The following DTD1 variants were observed in gnomAD, a reference collection of about 807,000 sequenced individuals.
DTD1 encodes D-aminoacyl-tRNA deacylase 1.
In DTD1, 13 loss-of-function variants were observed where a neutral mutation model predicts 25.6. The ratio of observed to expected loss-of-function variants is 0.51; its 90% confidence interval spans 0.33 to 0.81. DTD1 has a LOEUF of 0.81. DTD1 is among the 30% of genes least tolerant of loss of function. The pLI is 0.02. For synonymous variants in DTD1, 110 were observed against 103.6 expected (o/e 1.06, Z -0.37); for missense variants, 193 against 266.4 (o/e 0.72, Z 1.92).
chr20:18,719,911 C>T (rs926911285), intron 4 of DTD1, among the ~76,000 whole-genome samples: 2 of 152,184 alleles, frequency 1.3e-5, no homozygotes, highest in Non-Finnish European at 2.9e-5. Flanking sequence ...ATATTGTTAT[C>T]ACCATTTATC....
chr20:18,603,411 G>A (rs1328891284), intron 3 of DTD1, among the ~76,000 whole-genome samples: 3 of 71,248 alleles, frequency 4.2e-5, no homozygotes, highest in African/African-American at 1.6e-4. Context: ...ACTCAGCTCT[G>A]CACCAAGCAG....
At chr20:18,729,737 A>G (rs1018706506) in intron 4 of DTD1, among the ~76,000 whole-genome samples, 3 of 152,248 alleles carry the variant, frequency 2.0e-5, no homozygotes, top group African/African-American at 4.8e-5. Flanking sequence ...CGACAACACA[A>G]ACAGCCTAGG....
intron 4 of DTD1, among the ~76,000 whole-genome samples, chr20:18,633,978 G>A (rs890003156): frequency 6.6e-6 from 1 of 152,234 alleles, no homozygotes; most frequent in Admixed American, 6.5e-5. Flanking sequence ...TGGAAGGAGA[G>A]CATTACATTC....
At chr20:18,588,708 C>G in intron 1 of DTD1, 1 of 985,360 alleles carries the variant, frequency 1.0e-6, no homozygotes, top group Non-Finnish European at 1.2e-6. Context: ...CGCCCTCGCC[C>G]GCTGAACTCT....
intron 4 of DTD1, among the ~76,000 whole-genome samples, chr20:18,695,064 G>A (rs149714451): frequency 6.6e-6 from 1 of 152,242 alleles, no homozygotes; most frequent in African/African-American, 2.4e-5. Flanking sequence ...CGCGTGTTCT[G>A]CGAATGTGTC....
intron 3 of DTD1, among the ~76,000 whole-genome samples, chr20:18,609,515 G>C (rs912520128): frequency 9.1e-6 from 1 of 110,342 alleles, no homozygotes; most frequent in Non-Finnish European, 2.1e-5. Flanking sequence ...AGCAAACCCA[G>C]ATTTTTTTTT....
chr20:18,718,297 G>A (rs2061189553), intron 4 of DTD1, among the ~76,000 whole-genome samples: 2 of 152,156 alleles, frequency 1.3e-5, no homozygotes, highest in Admixed American at 6.6e-5. Context: ...CAACCACTAG[G>A]ACTGTGTGAC....
At chr20:18,598,170 C>G (rs2060619314) in intron 3 of DTD1, among the ~76,000 whole-genome samples, 1 of 151,908 alleles carries the variant, frequency 6.6e-6, no homozygotes, top group Non-Finnish European at 1.5e-5. Context: ...TCAACAGGTC[C>G]CGGTGTGTCC....
intron 4 of DTD1, among the ~76,000 whole-genome samples, chr20:18,676,126 G>T (rs1477632353): frequency 3.9e-5 from 6 of 152,168 alleles, no homozygotes. Flanking sequence ...ACTGTGTACT[G>T]AATCTTGCCA....
At chr20:18,722,228 C>T (rs1781455089) in intron 4 of DTD1, among the ~76,000 whole-genome samples, 1 of 152,354 alleles carries the variant, frequency 6.6e-6, no homozygotes, top group East Asian at 1.9e-4. Flanking sequence ...GTAATTCGCA[C>T]TGTAGTCTGT....
At chr20:18,631,215 C>T (rs2060786323) in intron 4 of DTD1, 1 of 985,426 alleles carries the variant, frequency 1.0e-6, no homozygotes, top group East Asian at 1.1e-4. Flanking sequence ...CTCCCTGGGG[C>T]CAGGACCAGC....
Position 18,628,141 on chromosome 20 carries a change from G to T in DTD1, c.385G>T (p.Ala129Ser). 1 of 1,613,640 alleles carries T rather than the reference G, an allele frequency of 6.2e-7. No individual in the cohort carries two copies. The highest frequency in any genetic ancestry group is 8.5e-7 in the Non-Finnish European group (1 of 1,179,654). The change falls in exon 4 of 6, where the codon GCC becomes TCC. Residue 129 changes from alanine (A) to serine (S), a missense_variant. By Grantham distance (99) the Ala-to-Ser change is moderately conservative. Transcript: ENST00000377452. The part of the protein sequence containing the change: ...PELIKDGKFG[A>S]YMQVHIQNDG... ...TGCTTTTTCAGATGGCAAGTTTGGG[G>T]CCTACATGCAGGTGCACATTCAGAA...
intron 3 of DTD1, among the ~76,000 whole-genome samples, chr20:18,618,078 G>A (rs776969970): frequency 2.6e-4 from 39 of 152,116 alleles, no homozygotes; most frequent in Non-Finnish European, 2.2e-4. Flanking sequence ...ATATGCAGTC[G>A]GGAGATACCT....
chr20:18,670,712 C>T (rs889656238), intron 4 of DTD1, among the ~76,000 whole-genome samples: 1 of 152,226 alleles, frequency 6.6e-6, no homozygotes, highest in Non-Finnish European at 1.5e-5. Context: ...CTCCTGCTCA[C>T]ATCCAATCTT....
chr20:18,588,813 T>C, intron 1 of DTD1: 2 of 985,356 alleles, frequency 2.0e-6, no homozygotes, highest in Non-Finnish European at 2.4e-6. Context: ...CACTCAGCAC[T>C]TTCGTCTCGG....
At chr20:18,685,878 A>C (rs2061014692) in intron 4 of DTD1, among the ~76,000 whole-genome samples, 1 of 152,208 alleles carries the variant, frequency 6.6e-6, no homozygotes, top group African/African-American at 2.4e-5. Context: ...TCTCCCCTGC[A>C]GTGTACACCA....
chr20:18,638,145 A>C (rs886660734), intron 4 of DTD1, among the ~76,000 whole-genome samples: 1 of 151,376 alleles, frequency 6.6e-6, no homozygotes, highest in African/African-American at 2.4e-5. Context: ...CCATTTATCC[A>C]TCCACCCATA....
At chr20:18,718,311 A>G (rs2122488751) in intron 4 of DTD1, among the ~76,000 whole-genome samples, 1 of 152,322 alleles carries the variant, frequency 6.6e-6, no homozygotes, top group Middle Eastern at 3.4e-3. Context: ...GTGTGACCAT[A>G]GGGTGCTGTT....
intron 4 of DTD1, among the ~76,000 whole-genome samples, chr20:18,721,107 C>T (rs1462793030): frequency 6.6e-6 from 1 of 152,174 alleles, no homozygotes; most frequent in Non-Finnish European, 1.5e-5. Context: ...CTGTCGAGTA[C>T]TTTAGTATAA....
Sources: gnomAD v4.1 joint callset for allele counts (sites outside exome capture counted in the v4.1 genomes callset) on GRCh38, gnomAD v4.1.1 for gene constraint, MANE v1.5 for transcripts, NCBI Gene and HGNC (gene_info 2026-07-23, HGNC 2026-07-21) for gene names.